FBN1: variants seen among roughly 807,000 people sequenced by gnomAD.
FBN1 encodes fibrillin 1.
Under a neutral mutation model 365.1 loss-of-function variants are expected in FBN1, and 29 were observed. The observed-to-expected ratio is 0.08, with a 90% CI of 0.06 to 0.11. The LOEUF is 0.11. FBN1 is among the 10% of genes least tolerant of loss of function. FBN1 has a pLI of 1.00. For missense variants in FBN1, 2,476 were observed against 3,703.2 expected, an observed-to-expected ratio of 0.67 and a Z score of 8.60; for synonymous variants, 1,210 against 1,270.5, an observed-to-expected ratio of 0.95 and a Z score of 1.01.
At chr15:48,618,067 T>C (rs1889691944) in intron 2 of FBN1, among the ~76,000 whole-genome samples, 1 of 150,014 alleles carries the variant, frequency 6.7e-6, no homozygotes, top group Non-Finnish European at 1.5e-5. Context: ...ATTAACTGCT[T>C]TTTTTTTTAA....
At chr15:48,450,508 G>T in intron 45 of FBN1, among the ~76,000 whole-genome samples, 1 of 152,148 alleles carries the variant, frequency 6.6e-6, no homozygotes, top group South Asian at 2.1e-4. Flanking sequence ...GTTGGGATAG[G>T]AGGTCTGAAC....
chr15:48,472,769 G>A, intron 34 of FBN1, 93 bp from the exon 35 acceptor site: 1 of 1,563,176 alleles, frequency 6.4e-7, no homozygotes, highest in Non-Finnish European at 8.8e-7. Flanking sequence ...CAATGTTTTG[G>A]CATAACTTCA....
chr15:48,526,888 A>T (rs569917374), intron 8 of FBN1, among the ~76,000 whole-genome samples: 3 of 152,308 alleles, frequency 2.0e-5, no homozygotes, highest in Admixed American at 2.0e-4. Flanking sequence ...CTGTCAACAC[A>T]CGGTCTTTGG....
At chr15:48,609,929 T>C (rs1476764189) in intron 4 of FBN1, among the ~76,000 whole-genome samples, 1 of 152,214 alleles carries the variant, frequency 6.6e-6, no homozygotes, top group Non-Finnish European at 1.5e-5. Context: ...CAAAAGAGAA[T>C]GCACTTATTC....
intron 6 of FBN1, among the ~76,000 whole-genome samples, chr15:48,589,609 C>CTTTTTTTTTTTTTTT (rs756647308): frequency 1.8e-5 from 2 of 108,720 alleles, no homozygotes; most frequent in African/African-American, 8.5e-5. Context: ...TTGTTACTTT[C>CTTTTTTTTTTTTTTT]TTTTTTTTTT....
Position 48,623,392 on chromosome 15 carries a change from C to T in FBN1, c.165-10300G>A, listed in dbSNP as rs1889807378. Among the ~76,000 whole-genome samples, 2 of 152,172 alleles carry T rather than the reference C, an allele frequency of 1.3e-5. 1 individual carries two copies. The highest frequency in any genetic ancestry group is 4.1e-4 in the South Asian group (2 of 4,826). The stretch of plus-strand genomic sequence containing the variant: ...TGCCTTGATTATTTCACTGACATGC[C>T]TGTCATTAACTTATTCTGATCAGTG... On this transcript the variant is annotated intron_variant, in intron 2 of 65. Coordinates refer to ENST00000316623, the MANE Select transcript of FBN1 (RefSeq NM_000138.5).
At chr15:48,463,344 G>T (rs2043295669) in intron 41 of FBN1, 104 bp from the exon 42 acceptor site, 8 of 1,137,546 alleles carry the variant, frequency 7.0e-6, no homozygotes, top group Non-Finnish European at 1.1e-5. Context: ...CATTTGAATT[G>T]TATTGTAGCT....
At chr15:48,581,917 G>A (rs2044395352) in intron 6 of FBN1, among the ~76,000 whole-genome samples, 1 of 152,108 alleles carries the variant, frequency 6.6e-6, no homozygotes, top group African/African-American at 2.4e-5. Context: ...GAGTCACAGA[G>A]GTTCCCCTTC....
intron 36 of FBN1, among the ~76,000 whole-genome samples, chr15:48,470,296 G>T (rs1377314477): frequency 6.6e-6 from 1 of 152,008 alleles, no homozygotes; most frequent in East Asian, 1.9e-4. Context: ...TGATCCCGGG[G>T]CATGGCCTCC....
At position 48,454,002 on chromosome 15, in the gene FBN1, T is replaced by C. The variant is rs377331344; in HGVS notation, c.5423-1318A>G. On this transcript the variant is annotated intron_variant, in intron 44 of 65. Transcript: ENST00000316623. ...TGGCTGCTAGGGCCAGCACTTGACA[T>C]GGGTATAGATTAATATCCTAGGAAG... Among the ~76,000 whole-genome samples the C allele has an allele frequency of 2.7e-3, 409 of 152,316 alleles. 1 individual carries two copies. Among genetic ancestry groups the C allele is most frequent in the African/African-American group, 9.6e-3 (399 of 41,574 alleles).
At chr15:48,601,047 G>A (rs182115064) in intron 4 of FBN1, among the ~76,000 whole-genome samples, 1 of 152,278 alleles carries the variant, frequency 6.6e-6, no homozygotes, top group Admixed American at 6.5e-5. Flanking sequence ...AGGGACAGCT[G>A]GATTTGCCTG....
intron 50 of FBN1, 90 bp downstream of exon 50, chr15:48,441,631 A>G (rs949673546): frequency 7.3e-6 from 11 of 1,516,592 alleles, no homozygotes; most frequent in Admixed American, 5.0e-5. Flanking sequence ...TCCTGTTCAC[A>G]AAGAAACAGA....
At position 48,412,725 on chromosome 15, in the gene FBN1, C is replaced by T; in HGVS notation, c.8070G>A (p.Met2690Ile). ...RIGQGHCVSG[M>I]GMGRGNPEPP... ...GCTCTGGGTTTCCTCGGCCCATGCC[C>T]ATTCCAGAAACACAGTGCCTGCAGC... The change falls in exon 65 of 66, where the codon ATG becomes ATA. Residue 2690 changes from methionine (M) to isoleucine (I), a missense_variant. Physicochemically the swap from Met to Ile is conservative, Grantham distance 10 (BLOSUM62 1). Coordinates refer to ENST00000316623, the MANE Select transcript of FBN1 (RefSeq NM_000138.5). 1 of 1,614,230 alleles carries T rather than the reference C, an allele frequency of 6.2e-7. No homozygotes were observed. Among genetic ancestry groups the T allele is most frequent in the Non-Finnish European group, 8.5e-7 (1 of 1,180,030 alleles).
intron 17 of FBN1, among the ~76,000 whole-genome samples, chr15:48,503,167 G>A (rs376781235): frequency 3.3e-5 from 5 of 151,698 alleles, no homozygotes; most frequent in South Asian, 2.1e-4. Context: ...GCGTGGTGGC[G>A]CACACGTGTA....
intron 10 of FBN1, among the ~76,000 whole-genome samples, chr15:48,517,965 T>C (rs1187332884): frequency 1.3e-5 from 2 of 152,236 alleles, no homozygotes; most frequent in South Asian, 2.1e-4. Context: ...TGAGGTTAAA[T>C]AGGAAAGTAC....
chr15:48,544,951 T>C (rs2044083934), intron 6 of FBN1, among the ~76,000 whole-genome samples: 1 of 152,212 alleles, frequency 6.6e-6, no homozygotes, highest in African/African-American at 2.4e-5. Context: ...CTTTCATTCT[T>C]AATGGTCTGC....
intron 2 of FBN1, among the ~76,000 whole-genome samples, chr15:48,632,592 C>T (rs1376014479): frequency 6.6e-6 from 1 of 152,206 alleles, no homozygotes; most frequent in African/African-American, 2.4e-5. Context: ...TATTTCCACA[C>T]TTCCAAACCT....
At chr15:48,483,147 G>A (rs1485574521) in intron 31 of FBN1, among the ~76,000 whole-genome samples, 1 of 152,136 alleles carries the variant, frequency 6.6e-6, no homozygotes, top group Non-Finnish European at 1.5e-5. Flanking sequence ...AAATAAGGAA[G>A]AAAGTCAATT....
chr15:48,487,483 T>C, intron 27 of FBN1, 46 bp from the exon 28 acceptor site: 1 of 1,608,856 alleles, frequency 6.2e-7, no homozygotes, highest in Non-Finnish European at 8.5e-7. Flanking sequence ...CCTCATCTCC[T>C]CCACCAGACC....
Sources: allele counts gnomAD v4.1 joint callset (sites outside exome capture counted in the v4.1 genomes callset), GRCh38; gene constraint gnomAD v4.1.1; transcripts MANE v1.5; gene names NCBI Gene and HGNC (gene_info 2026-07-23, HGNC 2026-07-21).